The following PPIG variants were observed in gnomAD, a reference collection of about 807,000 sequenced individuals.
PPIG encodes peptidylprolyl isomerase G, also known as peptidyl-prolyl cis-trans isomerase G.
PPIG carries 26 observed loss-of-function variants against 87.9 expected under a neutral mutation model. That is an observed-to-expected ratio of 0.30 (90% CI 0.22 to 0.41). The LOEUF is 0.41. Among genes scored for constraint, PPIG ranks in the 10% least tolerant of loss-of-function variants. The pLI is 1.00. For synonymous variants in PPIG, 308 were observed against 276.5 expected (o/e 1.11, Z -1.13); for missense variants, 722 against 879.4 (o/e 0.82, Z 2.26).
intron 9 of PPIG, among the ~76,000 whole-genome samples, chr2:169,623,616 G>C (rs1456913567): frequency 2.0e-5 from 3 of 152,184 alleles, no homozygotes; most frequent in Non-Finnish European, 4.4e-5. Context: ...GTACTCAGGA[G>C]ACAAGTGAAG....
intron 1 of PPIG, among the ~76,000 whole-genome samples, chr2:169,585,831 A>G (rs905446115): frequency 2.0e-5 from 3 of 152,160 alleles, no homozygotes; most frequent in Non-Finnish European, 4.4e-5. Flanking sequence ...AGTTAAAACC[A>G]GGAAAAAAGA....
At chr2:169,599,734 G>C (rs1178890400) in intron 1 of PPIG, among the ~76,000 whole-genome samples, 1 of 152,122 alleles carries the variant, frequency 6.6e-6, no homozygotes. Context: ...GGTTGTCACA[G>C]TGACTGATAT....
intron 4 of PPIG, among the ~76,000 whole-genome samples, chr2:169,604,464 C>T (rs1400699369): frequency 6.6e-6 from 1 of 151,116 alleles, no homozygotes; most frequent in East Asian, 1.9e-4. Context: ...CCACACCTGG[C>T]ATAGCTTGCT....
intron 1 of PPIG, among the ~76,000 whole-genome samples, chr2:169,595,212 G>A (rs958645005): frequency 7.9e-5 from 12 of 152,220 alleles, no homozygotes; most frequent in East Asian, 1.9e-4. Flanking sequence ...GAGCCACTGC[G>A]CCTGGCCTAT....
intron 9 of PPIG, among the ~76,000 whole-genome samples, chr2:169,625,382 G>T (rs1685857225): frequency 6.6e-6 from 1 of 152,148 alleles, no homozygotes; most frequent in Non-Finnish European, 1.5e-5. Context: ...CCTAGAAATG[G>T]AATTGCCAGT....
Position 169,639,547 on chromosome 2 carries a change from T to G in PPIG, c.*2024T>G, listed in dbSNP as rs963617896. The G allele has an allele frequency of 2.6e-5, 4 of 152,118 alleles. No individual in the cohort carries two copies. The highest frequency in any genetic ancestry group is 4.1e-4 in the South Asian group (2 of 4,826). 9.4% of individuals were successfully genotyped at this position (152,118 alleles called of 1,614,324 possible). A position where few individuals can be genotyped will look rare whatever the true frequency, so the allele number is the denominator to read the frequency against. On this transcript the variant is annotated 3_prime_UTR_variant, in exon 14 of 14. Coordinates refer to ENST00000260970, the MANE Select transcript of PPIG (RefSeq NM_004792.3). ...AAAAAGTAACCATAGGGAAAAAAAT[T>G]GTAGTAATTTCTATAGGCAATATTC...
At position 169,639,235 on chromosome 2, in the gene PPIG, C is replaced by T. The variant is rs1318090219; in HGVS notation, c.*1712C>T. On this transcript the variant is annotated 3_prime_UTR_variant, in exon 14 of 14. Coordinates refer to ENST00000260970, the MANE Select transcript of PPIG (RefSeq NM_004792.3). The stretch of plus-strand genomic sequence containing the variant: ...TCCAAGGTGATTGATTCCTTAGAGA[C>T]TGACCACAAACCCACATTAGGGATA... 6.6e-6 allele frequency: 1 copy of T among 151,966 alleles called. No individual in the cohort carries two copies. Among genetic ancestry groups the T allele is most frequent in the Non-Finnish European group, 1.5e-5 (1 of 67,912 alleles). The allele number at this position is 151,966 out of a possible 1,614,324, so 9.4% of individuals were successfully genotyped here.
intron 1 of PPIG, among the ~76,000 whole-genome samples, chr2:169,585,535 A>G (rs1013868421): frequency 7.9e-5 from 12 of 152,236 alleles, no homozygotes; most frequent in African/African-American, 2.9e-4. Flanking sequence ...CTGGGATTAC[A>G]GGCGAGAGCC....
intron 9 of PPIG, among the ~76,000 whole-genome samples, chr2:169,615,609 C>T (rs970524673): frequency 6.6e-6 from 1 of 152,146 alleles, no homozygotes; most frequent in Non-Finnish European, 1.5e-5. Flanking sequence ...AACATAACTT[C>T]CTCTGGGTTC....
intron 12 of PPIG, 54 bp from the exon 13 acceptor site, chr2:169,636,038 C>T (rs1161136660): frequency 1.1e-5 from 15 of 1,411,160 alleles, no homozygotes; most frequent in Middle Eastern, 2.1e-4. Context: ...AGCACCCATG[C>T]GAGTCCCTCT....
rs188908480 is a variant in PPIG, at chr2:169,622,832, T to G, written c.548-7942T>G. On this transcript the variant is annotated intron_variant, in intron 9 of 13. Transcript: ENST00000260970. ...CTATATCTTACATCCACTTAGTAAG[T>G]TTGATGGCCTTCTTAATTAATTGGG... 3.4e-3 allele frequency among the ~76,000 whole-genome samples: 519 copies of G among 152,348 alleles called. 3 individuals are homozygous for G. The highest frequency in any genetic ancestry group is 5.6e-3 in the Non-Finnish European group (381 of 68,028).
chr2:169,613,133 T>C (rs572147343), intron 7 of PPIG, among the ~76,000 whole-genome samples: 4 of 152,306 alleles, frequency 2.6e-5, no homozygotes, highest in Non-Finnish European at 5.9e-5. Context: ...GAAGTGAGGA[T>C]CAACTATATC....
chr2:169,601,968 G>A (rs1218650558), intron 1 of PPIG, among the ~76,000 whole-genome samples: 4 of 151,760 alleles, frequency 2.6e-5, no homozygotes, highest in African/African-American at 7.3e-5. Flanking sequence ...TAGTTTGGTT[G>A]TACAAGTTGA....
In PPIG at chr2:169,618,338, G is replaced by T. The variant is rs537840331; in HGVS notation, c.547+3614G>T. 3.9e-5 allele frequency among the ~76,000 whole-genome samples: 6 copies of T among 152,270 alleles called. No homozygotes were observed. The South Asian group carries it at 1.2e-3, about 32-fold the overall frequency. On this transcript the variant is annotated intron_variant, in intron 9 of 13. Transcript: ENST00000260970. ...TCTTTTTTTGTTGTGTCTCTGCCAGGCTTTGGTATCAGGATGATGCTGGCC... is the reference window on the plus strand; with the variant it reads ...TCTTTTTTTGTTGTGTCTCTGCCAGTCTTTGGTATCAGGATGATGCTGGCC...
chr2:169,634,233 G>C (rs755578515), intron 12 of PPIG, among the ~76,000 whole-genome samples: 95 of 151,952 alleles, frequency 6.3e-4, no homozygotes, highest in Non-Finnish European at 1.2e-3. Context: ...GCTAATTTTT[G>C]TATTTTTTTG....
chr2:169,620,213 C>G (rs1685708169), intron 9 of PPIG, among the ~76,000 whole-genome samples: 1 of 151,984 alleles, frequency 6.6e-6, no homozygotes, highest in African/African-American at 2.4e-5. Context: ...TTTACAGTTG[C>G]AAGTCTTATG....
chr2:169,612,477 G>A (rs987908853), intron 7 of PPIG, among the ~76,000 whole-genome samples: 4 of 147,692 alleles, frequency 2.7e-5, no homozygotes, highest in Admixed American at 6.9e-5. Context: ...TCCACCTCCC[G>A]GGTTCACGCC....
At chr2:169,626,046 G>A (rs900664211) in intron 9 of PPIG, among the ~76,000 whole-genome samples, 1 of 152,092 alleles carries the variant, frequency 6.6e-6, no homozygotes, top group Non-Finnish European at 1.5e-5. Flanking sequence ...TCAGTACCAG[G>A]GACCATGGCT....
At chr2:169,605,418 G>A (rs1204080158) in intron 4 of PPIG, among the ~76,000 whole-genome samples, 2 of 151,958 alleles carry the variant, frequency 1.3e-5, no homozygotes, top group African/African-American at 2.4e-5. Flanking sequence ...CGGGAGATTC[G>A]CTTGAGCCCA....
Sources: allele counts gnomAD v4.1 joint callset (sites outside exome capture counted in the v4.1 genomes callset), GRCh38; gene constraint gnomAD v4.1.1; transcripts MANE v1.5; gene names NCBI Gene and HGNC (gene_info 2026-07-23, HGNC 2026-07-21).